The following OCRL variants were observed in gnomAD, a reference collection of about 807,000 sequenced individuals.
OCRL encodes inositol polyphosphate 5-phosphatase OCRL.
Under a neutral mutation model 78.9 loss-of-function variants are expected in OCRL, and 8 were observed. The ratio of observed to expected loss-of-function variants is 0.10; its 90% CI spans 0.06 to 0.18. The LOEUF is 0.18. OCRL is among the 10% of genes least tolerant of loss of function. OCRL has a pLI of 1.00. For missense variants in OCRL, 454 were observed against 696.7 expected (o/e 0.65, Z 3.92); for synonymous variants, 240 against 235.4 (o/e 1.02, Z -0.18).
intron 4 of OCRL, among the ~76,000 whole-genome samples, chrX:129,556,188 C>T (rs1026792447): frequency 2.7e-5 from 3 of 112,168 alleles, no homozygotes; most frequent in African/African-American, 9.7e-5. Flanking sequence ...CTAGGATTTT[C>T]ATTTCATTTT....
chrX:129,556,264 T>C (rs1341828722), intron 4 of OCRL, among the ~76,000 whole-genome samples: 2 of 111,893 alleles, frequency 1.8e-5, no homozygotes, highest in Non-Finnish European at 3.8e-5. Context: ...ACCTTCTGTC[T>C]GTGAAGTCTG....
chrX:129,544,680 C>T (rs768813821), intron 2 of OCRL, among the ~76,000 whole-genome samples: 6 of 111,562 alleles, frequency 5.4e-5, no homozygotes, highest in Non-Finnish European at 9.4e-5. Context: ...GGTATGCATA[C>T]TCTGAAGCTA....
At position 129,588,181 on chromosome X, in the gene OCRL, G is replaced by C. The variant is rs1936538757; in HGVS notation, c.2259G>C (p.Glu753Asp). The change falls in exon 21 of 24, where the codon GAG becomes GAC. Residue 753 changes from glutamate to aspartate, a missense_variant and splice_region_variant. This residue lies in a region of OCRL where 277 missense variants were observed against 517.1 expected (regional missense o/e 0.54). Transcript: ENST00000371113. ...DHLFKYACHQ[E>D]DLFQTPGMQE... is the part of the protein sequence containing the mutation. ...CTTCATTCTGACTTCTTTGGTAGGAGGACCTGTTCCAGACCCCTGGAATGC... is the reference window on the plus strand; with the variant it reads ...CTTCATTCTGACTTCTTTGGTAGGACGACCTGTTCCAGACCCCTGGAATGC... 1.7e-6 allele frequency: 2 copies of C among 1,193,622 alleles called. No individual in the cohort carries two copies.
intron 6 of OCRL, 52 bp from the exon 7 acceptor site, chrX:129,558,581 T>C: frequency 8.4e-7 from 1 of 1,193,938 alleles, no homozygotes; most frequent in Non-Finnish European, 1.1e-6. Flanking sequence ...ACCCTGGATA[T>C]GTTGGATGTT....
intron 12 of OCRL, among the ~76,000 whole-genome samples, chrX:129,564,270 G>T (rs1182079036): frequency 2.7e-5 from 3 of 109,562 alleles, no homozygotes; most frequent in African/African-American, 1.0e-4. Flanking sequence ...TACACTGTTG[G>T]TGGGACTGTA....
rs1288810745 is a variant in OCRL, at chrX:129,567,289, T to C, written c.1392T>C (p.Val464=). ...AGCGCACACAGAAAAAAGCTTTTGT[T>C]GACTTCAATGAAGGGGAAATCAAGT... The part of the protein sequence containing the change: ...NIQRTQKKAF[V]DFNEGEIKFI... The change falls in exon 14 of 24, where the codon GTT becomes GTC. Residue 464 remains valine (V), a synonymous_variant. Coordinates refer to ENST00000371113, the MANE Select transcript of OCRL (RefSeq NM_000276.4). 8.3e-7 allele frequency: 1 copy of C among 1,209,569 alleles called. No individual in the cohort carries two copies. Among genetic ancestry groups the C allele is most frequent in the East Asian group, 3.0e-5 (1 of 33,836 alleles).
intron 18 of OCRL, 115 bp downstream of exon 18, chrX:129,576,667 T>C: frequency 1.8e-6 from 1 of 562,553 alleles, no homozygotes; most frequent in Non-Finnish European, 3.0e-6. Flanking sequence ...GGATGTCAAA[T>C]GATAAAGAAG....
intron 4 of OCRL, among the ~76,000 whole-genome samples, chrX:129,555,318 T>C (rs1271960241): frequency 2.7e-5 from 3 of 110,233 alleles, no homozygotes; most frequent in Non-Finnish European, 5.7e-5. Context: ...CTACTAAATA[T>C]ACAAAAAGTA....
At chrX:129,564,413 T>C (rs1196210410) in intron 12 of OCRL, among the ~76,000 whole-genome samples, 9 of 110,792 alleles carry the variant, frequency 8.1e-5, no homozygotes, top group African/African-American at 2.3e-4. Context: ...TATAAAGACA[T>C]ATGCACACGT....
chrX:129,588,118 AATC>A (rs1297382901), intron 20 of OCRL, 58 bp from the exon 21 acceptor site: 4 of 821,969 alleles, frequency 4.9e-6, no homozygotes, highest in African/African-American at 4.0e-5. Flanking sequence ...ATCCTTGGGT[AATC>A]ATCATAACCT....
chrX:129,555,004 A>AAATAAAT (rs1338328438), intron 4 of OCRL, among the ~76,000 whole-genome samples: 28 of 95,952 alleles, frequency 2.9e-4, no homozygotes, highest in South Asian at 1.8e-3. Flanking sequence ...AATAAATAAA[A>AAATAAAT]ATAAGAGGGT....
intron 19 of OCRL, among the ~76,000 whole-genome samples, chrX:129,584,999 G>A (rs1037975405): frequency 2.6e-4 from 29 of 112,100 alleles, no homozygotes; most frequent in Non-Finnish European, 5.1e-4. Context: ...TGATGATGGG[G>A]ATGGTATACT....
At chrX:129,554,680 C>G (rs1051834952) in intron 4 of OCRL, among the ~76,000 whole-genome samples, 1 of 111,589 alleles carries the variant, frequency 9.0e-6, no homozygotes, top group Non-Finnish European at 1.9e-5. Flanking sequence ...TAGGCCAGGC[C>G]CGGTGGCTTA....
intron 12 of OCRL, among the ~76,000 whole-genome samples, chrX:129,565,494 A>C (rs1204322409): frequency 8.9e-6 from 1 of 112,176 alleles, no homozygotes. Flanking sequence ...CATGCTTCTC[A>C]GTCCATTAAC....
At chrX:129,573,779 C>T (rs755971795) in intron 15 of OCRL, among the ~76,000 whole-genome samples, 13 of 111,075 alleles carry the variant, frequency 1.2e-4, no homozygotes, top group Non-Finnish European at 2.3e-4. Context: ...GGGGTGGTTT[C>T]GAACTCCTGA....
intron 4 of OCRL, among the ~76,000 whole-genome samples, chrX:129,555,272 C>T (rs919415169): frequency 4.6e-5 from 5 of 109,516 alleles, no homozygotes; most frequent in Admixed American, 9.7e-5. Flanking sequence ...GTCAGGAGTT[C>T]GAGACCAGCC....
At chrX:129,555,518 A>T (rs1371384156) in intron 4 of OCRL, among the ~76,000 whole-genome samples, 2 of 112,344 alleles carry the variant, frequency 1.8e-5, no homozygotes, top group Non-Finnish European at 3.8e-5. Context: ...GGTAATTTTA[A>T]TGCATGCATA....
At chrX:129,563,327 C>T (rs182832359) in intron 12 of OCRL, among the ~76,000 whole-genome samples, 3 of 111,731 alleles carry the variant, frequency 2.7e-5, no homozygotes, top group Non-Finnish European at 5.7e-5. Flanking sequence ...AGAAGATGTA[C>T]GATATCTTGA....
intron 3 of OCRL, among the ~76,000 whole-genome samples, chrX:129,547,341 C>T (rs1439166608): frequency 6.4e-5 from 7 of 109,326 alleles, no homozygotes; most frequent in African/African-American, 1.7e-4. Context: ...CTGGCTAACA[C>T]GATGAAACCC....
Sources: allele counts gnomAD v4.1 joint callset (sites outside exome capture counted in the v4.1 genomes callset), GRCh38; gene constraint gnomAD v4.1.1; regional missense constraint gnomAD v4.1.1; transcripts MANE v1.5; gene names NCBI Gene and HGNC (gene_info 2026-07-23, HGNC 2026-07-21).